PCDHGA6: variants seen among roughly 807,000 people sequenced by gnomAD.
PCDHGA6 encodes protocadherin gamma subfamily A, 6, also known as protocadherin gamma-A6.
A neutral mutation model predicts 60.6 loss-of-function variants in PCDHGA6; 41 were observed. The ratio of observed to expected loss-of-function variants is 0.68; its 90% confidence interval spans 0.53 to 0.88. PCDHGA6 has a LOEUF of 0.88. Ranked by LOEUF, PCDHGA6 falls within the 40% of genes least tolerant of loss-of-function variation. The pLI is 0.00. For synonymous variants in PCDHGA6, 594 were observed against 524.4 expected (o/e 1.13, Z -1.81); for missense variants, 1,312 against 1,203.0 (o/e 1.09, Z -1.34).
Position 141,476,370 on chromosome 5 carries a change from A to G in PCDHGA6, c.2425-18437A>G, listed in dbSNP as rs747703594. 13 of 1,613,882 alleles carry G rather than the reference A, an allele frequency of 8.1e-6. No individual in the cohort carries two copies. In the East Asian group the frequency reaches 2.7e-4, roughly 33 times the overall value. On this transcript the variant is annotated intron_variant, in intron 1 of 3. Transcript: ENST00000517434. This position sits in a 1 kb window ranked among gnomAD's most constrained non-coding sequence, Gnocchi z 7.6. ...TTTGAGGTGAACCGGGAGACCGGAG[A>G]GATGTTTGTGAACGACCGTCTGGAT...
chr5:141,481,646 C>T (rs1425216422), intron 1 of PCDHGA6, among the ~76,000 whole-genome samples: 1 of 151,950 alleles, frequency 6.6e-6, no homozygotes, highest in African/African-American at 2.4e-5. Flanking sequence ...GGTGAAACTT[C>T]ATCTCTACTA....
rs756966401 is a variant in PCDHGA6, at chr5:141,393,451, C to T, written c.2424+16944C>T. The T allele has an allele frequency of 5.0e-6, 8 of 1,614,058 alleles. No homozygotes were observed. In the South Asian group the frequency reaches 6.6e-5, roughly 13 times the overall value. On this transcript the variant is annotated intron_variant, in intron 1 of 3. Transcript: ENST00000517434. The stretch of plus-strand genomic sequence containing the variant: ...GAGGCTGCTCACCACCTGGTCCTCA[C>T]GGCCTCGGATGGCGGCAAGCCGCCT...
At chr5:141,394,607 G>C (rs769750411) in intron 1 of PCDHGA6, 10 of 1,613,414 alleles carry the variant, frequency 6.2e-6, no homozygotes, top group South Asian at 2.2e-5. Context: ...ACAGAGACTC[G>C]GGCCAGAACG....
At chr5:141,384,245 C>T (rs776707376) in intron 1 of PCDHGA6, 6 of 1,613,890 alleles carry the variant, frequency 3.7e-6, no homozygotes, top group Non-Finnish European at 5.1e-6. Context: ...AACGATAACC[C>T]ACCCACCTTC....
At chr5:141,446,143 T>G (rs2098490523) in intron 1 of PCDHGA6, among the ~76,000 whole-genome samples, 1 of 152,204 alleles carries the variant, frequency 6.6e-6, no homozygotes, top group Admixed American at 6.5e-5. Flanking sequence ...AATAATGGAA[T>G]AGGTGGAATA....
Position 141,487,291 on chromosome 5 carries a change from C to T in PCDHGA6, c.2425-7516C>T, listed in dbSNP as rs748961925. The stretch of plus-strand genomic sequence containing the variant: ...TGGCAATTTGCTTTGTCTCCTTTGG[C>T]TCATTCGTGGCACTACTCTCTAAGT... On this transcript the variant is annotated intron_variant, in intron 1 of 3. Transcript: ENST00000517434. This position sits in a 1 kb window ranked among gnomAD's most constrained non-coding sequence, Gnocchi z 5.0. The T allele has an allele frequency of 1.9e-5, 30 of 1,614,036 alleles. No homozygotes were observed. Among genetic ancestry groups the T allele is most frequent in the Non-Finnish European group, 2.5e-5 (30 of 1,180,020 alleles).
Position 141,491,401 on chromosome 5 carries a change from G to T in PCDHGA6, c.2425-3406G>T, listed in dbSNP as rs1442005704. ...GTCAGCGAAGTGCCTTCAGGGAAAC[G>T]CAGACGGGGACGGGGGTGGAGGGCA... On this transcript the variant is annotated intron_variant, in intron 1 of 3. Coordinates refer to ENST00000517434, the MANE Select transcript of PCDHGA6 (RefSeq NM_018919.3). The surrounding 1 kb of genome is among the most constrained non-coding windows in gnomAD (Gnocchi z 6.9). 1.2e-6 allele frequency: 2 copies of T among 1,614,102 alleles called. No homozygotes were observed. Among genetic ancestry groups the T allele is most frequent in the Non-Finnish European group, 1.7e-6 (2 of 1,179,990 alleles).
chr5:141,382,940 T>A, intron 1 of PCDHGA6: 1 of 1,595,270 alleles, frequency 6.3e-7, no homozygotes, highest in Non-Finnish European at 8.6e-7. Flanking sequence ...AGAGGATTCT[T>A]CCTGCTCTCC....
intron 1 of PCDHGA6, chr5:141,384,230 A>G (rs771827146): frequency 1.2e-6 from 2 of 1,613,916 alleles, no homozygotes; most frequent in Admixed American, 3.3e-5. Flanking sequence ...CAGGTGGCAG[A>G]CACCAACGAT....
rs567174433 is a variant in PCDHGA6, at chr5:141,443,351, G to A, written c.2425-51456G>A. On this transcript the variant is annotated intron_variant, in intron 1 of 3. Coordinates refer to ENST00000517434, the MANE Select transcript of PCDHGA6 (RefSeq NM_018919.3). ...AAAACAAAAATTAACAAGGTTTAGT[G>A]GTCCATGCCTGTGGTCTCAGCTACT... 6.6e-5 allele frequency among the ~76,000 whole-genome samples: 10 copies of A among 152,072 alleles called. No homozygotes were observed. The South Asian group carries it at 2.1e-3, about 32-fold the overall frequency.
intron 1 of PCDHGA6, chr5:141,393,572 G>C (rs1399932416): frequency 6.2e-7 from 1 of 1,613,908 alleles, no homozygotes; most frequent in South Asian, 1.1e-5. Context: ...AAGTCCTTGA[G>C]AACATGCCCC....
chr5:141,453,701 AAC>A (rs1250174252), intron 1 of PCDHGA6, among the ~76,000 whole-genome samples: 1 of 152,240 alleles, frequency 6.6e-6, no homozygotes, highest in Non-Finnish European at 1.5e-5. Context: ...CCTGGCTTTG[AAC>A]AGTTTCACTA....
Position 141,489,101 on chromosome 5 carries a change from T to C in PCDHGA6, c.2425-5706T>C. The C allele has an allele frequency of 2.5e-6, 1 of 398,412 alleles. No homozygotes were observed. The highest frequency in any genetic ancestry group is 4.3e-5 in the South Asian group (1 of 23,096). The allele number at this position is 398,412 out of a possible 1,614,324, so 24.7% of individuals were successfully genotyped here. A position where few individuals can be genotyped will look rare whatever the true frequency, so the allele number is the denominator to read the frequency against. ...CCGCCACTCGGTGACTAAGAACTGC[T>C]GCAAGCAGGCAAACCTCCGAGCAGT... On this transcript the variant is annotated intron_variant, in intron 1 of 3. Coordinates refer to ENST00000517434, the MANE Select transcript of PCDHGA6 (RefSeq NM_018919.3). The surrounding 1 kb of genome is among the most constrained non-coding windows in gnomAD (Gnocchi z 4.5).
chr5:141,398,135 G>C, intron 1 of PCDHGA6: 1 of 1,556,792 alleles, frequency 6.4e-7, no homozygotes, highest in Non-Finnish European at 8.6e-7. Context: ...GGGATGGGGA[G>C]CGGCGCCGGG....
chr5:141,478,783 T>G (rs1435790850), intron 1 of PCDHGA6: 2 of 1,483,968 alleles, frequency 1.3e-6, no homozygotes, highest in Admixed American at 4.6e-5. Flanking sequence ...TGGACCTAAT[T>G]CACATCCTCA....
At chr5:141,494,362 A>T (rs527454959) in intron 1 of PCDHGA6, among the ~76,000 whole-genome samples, 47 of 152,300 alleles carry the variant, frequency 3.1e-4, no homozygotes, top group Admixed American at 8.5e-4. Context: ...GCTGCAGAGG[A>T]TGCTTTGTTC....
In PCDHGA6 at chr5:141,431,248, G is replaced by C. The variant is rs1213088915; in HGVS notation, c.2424+54741G>C. On this transcript the variant is annotated intron_variant, in intron 1 of 3. Coordinates refer to ENST00000517434, the MANE Select transcript of PCDHGA6 (RefSeq NM_018919.3). This position sits in a 1 kb window ranked among gnomAD's most constrained non-coding sequence, Gnocchi z 4.8. ...CCCACGCCTGGGATCCGGATATCGG[G>C]AAGAACTCTCTGCAGAGCTACGAGC... is the stretch of plus-strand genomic sequence containing the variant. 5 of 1,614,022 alleles carry C rather than the reference G, an allele frequency of 3.1e-6. No homozygotes were observed. Among genetic ancestry groups the C allele is most frequent in the Non-Finnish European group, 4.2e-6 (5 of 1,180,056 alleles).
In PCDHGA6 at chr5:141,489,782, A is replaced by C. The variant is rs770399288; in HGVS notation, c.2425-5025A>C. On this transcript the variant is annotated intron_variant, in intron 1 of 3. Coordinates refer to ENST00000517434, the MANE Select transcript of PCDHGA6 (RefSeq NM_018919.3). The surrounding 1 kb of genome is among the most constrained non-coding windows in gnomAD (Gnocchi z 4.5). ...AGCCCCAACAGCCACTTCTCTCTGA[A>C]TGTGAAGACCCTAAAAGATGGGAAG... 2 of 1,614,078 alleles carry C rather than the reference A, an allele frequency of 1.2e-6. No homozygotes were observed. The highest frequency in any genetic ancestry group is 2.2e-5 in the East Asian group (1 of 44,894).
rs186028114 is a variant in PCDHGA6, at chr5:141,387,416, T to C, written c.2424+10909T>C. ...ATGTTTGAAGATTGGGGAAAGCTTA[T>C]GTCAATAAATGTTTATGTACTTAAT... On this transcript the variant is annotated intron_variant, in intron 1 of 3. Coordinates refer to ENST00000517434, the MANE Select transcript of PCDHGA6 (RefSeq NM_018919.3). 6.8e-4 allele frequency among the ~76,000 whole-genome samples: 103 copies of C among 152,364 alleles called. 1 individual carries two copies. The highest frequency in any genetic ancestry group is 3.4e-3 in the Middle Eastern group (1 of 294).
Sources: allele counts gnomAD v4.1 joint callset (sites outside exome capture counted in the v4.1 genomes callset), GRCh38; gene constraint gnomAD v4.1.1; non-coding constraint Gnocchi (gnomAD v3.1); transcripts MANE v1.5; gene names NCBI Gene and HGNC (gene_info 2026-07-23, HGNC 2026-07-21).